The following DOP1B variants were observed in gnomAD, a reference collection of about 807,000 sequenced individuals.
DOP1B encodes the protein protein DOP1B.
Under a neutral mutation model 233.5 loss-of-function variants are expected in DOP1B, and 174 were observed. The ratio of observed to expected loss-of-function variants is 0.75; its 90% CI spans 0.66 to 0.85. DOP1B has a LOEUF of 0.85. Ranked by LOEUF, DOP1B falls within the 40% of genes least tolerant of loss-of-function variation. The pLI is 0.00. For missense variants in DOP1B, 2,652 were observed against 2,846.6 expected (o/e 0.93, Z 1.56); for synonymous variants, 1,190 against 1,185.6 (o/e 1.00, Z -0.08).
Position 36,273,250 on chromosome 21 carries a change from T to C in DOP1B, c.5632+3093T>C, listed in dbSNP as rs368579976. Among the ~76,000 whole-genome samples, 14 of 150,684 alleles carry C rather than the reference T, an allele frequency of 9.3e-5. 1 individual carries two copies. The East Asian group carries it at 1.4e-3, about 15-fold the overall frequency. On this transcript the variant is annotated intron_variant, in intron 27 of 36. Transcript: ENST00000691173. The stretch of plus-strand genomic sequence containing the variant: ...GATGAAACCCTGTCTCTACTAAAAA[T>C]ACAAAAATTAGCCAGGTATGGTAGT...
chr21:36,211,848 A>G lies in DOP1B; in HGVS notation c.781-126A>G, dbSNP rs535666406. The stretch of plus-strand genomic sequence containing the variant: ...TATTGAATAGCTTCTTTCCATGGGT[A>G]ATGTGTAAGGAACCAGCCCATTTTG... On this transcript the variant is annotated intron_variant, in intron 6 of 36. Coordinates refer to ENST00000691173, the MANE Select transcript of DOP1B (RefSeq NM_001320714.2). The G allele has an allele frequency of 7.1e-6, 10 of 1,418,080 alleles. No homozygotes were observed. The East Asian group carries it at 2.3e-4, about 32-fold the overall frequency. The allele number at this position is 1,418,080 out of a possible 1,614,324, so 87.8% of individuals were successfully genotyped here. A position where few individuals can be genotyped will look rare whatever the true frequency, so the allele number is the denominator to read the frequency against.
In DOP1B at chr21:36,211,594, T is replaced by C. The variant is rs2066499300; in HGVS notation, c.723T>C (p.Leu241=). ...CCTCCCTGTTGGACTCAAATGTTCT[T>C]GTGCAAAGAAATAATCTGGAAATCG... ...LRASLLDSNV[L]VQRNNLEIVL... Residue 241 remains leucine, a synonymous_variant, in exon 6 of 37, where the codon CTT becomes CTC. Transcript: ENST00000691173. The C allele has an allele frequency of 1.1e-5, 17 of 1,614,246 alleles. No individual in the cohort carries two copies. Among genetic ancestry groups the C allele is most frequent in the Non-Finnish European group, 1.4e-5 (17 of 1,180,042 alleles).
intron 4 of DOP1B, among the ~76,000 whole-genome samples, chr21:36,207,963 A>G (rs1473569700): frequency 6.6e-6 from 1 of 152,196 alleles, no homozygotes; most frequent in Non-Finnish European, 1.5e-5. Context: ...GTCAGGGGAA[A>G]AACGAGCCCT....
chr21:36,196,082 G>A (rs1305724665), intron 2 of DOP1B, among the ~76,000 whole-genome samples: 1 of 152,252 alleles, frequency 6.6e-6, no homozygotes, highest in African/African-American at 2.4e-5. Context: ...CACAGACTGA[G>A]GGAACCTCTT....
intron 2 of DOP1B, among the ~76,000 whole-genome samples, chr21:36,177,256 A>T (rs1408699484): frequency 6.6e-6 from 1 of 152,194 alleles, no homozygotes; most frequent in Admixed American, 6.6e-5. Flanking sequence ...GTTCAAGAGC[A>T]CTGCTACCCC....
intron 28 of DOP1B, among the ~76,000 whole-genome samples, chr21:36,277,763 T>G (rs1261241987): frequency 6.6e-6 from 1 of 151,724 alleles, no homozygotes; most frequent in Non-Finnish European, 1.5e-5. Flanking sequence ...CAAGCAGTTC[T>G]CCTGCCTCAG....
chr21:36,221,014 T>C (rs532265562), intron 10 of DOP1B, among the ~76,000 whole-genome samples: 1 of 152,218 alleles, frequency 6.6e-6, no homozygotes, highest in East Asian at 1.9e-4. Context: ...TCTTGCTATG[T>C]TGCACAGGCT....
Position 36,184,681 on chromosome 21 carries a change from C to T in DOP1B, c.139-14389C>T, listed in dbSNP as rs1345099318. Among the ~76,000 whole-genome samples the T allele has an allele frequency of 5.3e-5, 8 of 152,242 alleles. No homozygotes were observed. The East Asian group carries it at 1.2e-3, about 22-fold the overall frequency. On this transcript the variant is annotated intron_variant, in intron 2 of 36. Transcript: ENST00000691173. ...GCTTCGCTGCCGGCCTGAGGCTCTG[C>T]GTTCCCCTCCTTGGTGCTCAGGCTG...
chr21:36,175,461 C>T (rs2066012477), intron 2 of DOP1B, among the ~76,000 whole-genome samples: 1 of 152,086 alleles, frequency 6.6e-6, no homozygotes, highest in African/African-American at 2.4e-5. Context: ...TAGGGCTCAC[C>T]CTAACTGCTT....
At chr21:36,244,721 G>A (rs752622176) in intron 18 of DOP1B, among the ~76,000 whole-genome samples, 2 of 152,094 alleles carry the variant, frequency 1.3e-5, no homozygotes, top group African/African-American at 2.4e-5. Context: ...CACTGCACCC[G>A]GCCAGGAGAC....
chr21:36,226,981 G>A (rs1263341873), intron 12 of DOP1B, among the ~76,000 whole-genome samples: 6 of 152,044 alleles, frequency 3.9e-5, no homozygotes, highest in Admixed American at 1.3e-4. Flanking sequence ...CGAGGTGGGC[G>A]GATCACAAGG....
chr21:36,229,369 A>G (rs573676830), intron 13 of DOP1B, among the ~76,000 whole-genome samples: 16 of 152,258 alleles, frequency 1.1e-4, no homozygotes, highest in African/African-American at 3.8e-4. Context: ...GTTTGCTGGC[A>G]ATATTCAGCA....
intron 10 of DOP1B, 133 bp from the exon 11 acceptor site, chr21:36,223,098 C>A: frequency 2.4e-6 from 2 of 837,832 alleles, no homozygotes; most frequent in Non-Finnish European, 1.8e-6. Flanking sequence ...GTAATATTTT[C>A]ATTTTTATCA....
At chr21:36,282,678 A>C (rs1215415022) in intron 32 of DOP1B, among the ~76,000 whole-genome samples, 1 of 151,748 alleles carries the variant, frequency 6.6e-6, no homozygotes, top group Non-Finnish European at 1.5e-5. Flanking sequence ...TGACTGCATC[A>C]AAAATAATTA....
intron 5 of DOP1B, among the ~76,000 whole-genome samples, chr21:36,209,794 T>G (rs1365713306): frequency 6.6e-6 from 1 of 152,214 alleles, no homozygotes; most frequent in African/African-American, 2.4e-5. Flanking sequence ...TCTTGTGCTT[T>G]TGTGTCTTGC....
At position 36,246,106 on chromosome 21, in the gene DOP1B, A is replaced by T. The variant is rs1056850071; in HGVS notation, c.4126A>T (p.Ser1376Cys). ...AGGGAAGAACGTGGAGTTCATCCAC[A>T]GCTTGCTGCAGAGGTGCAAAGTTCA... ...SEGKNVEFIHSLLQRCKVQEF... is the reference protein window; with the variant it reads ...SEGKNVEFIHCLLQRCKVQEF... The change falls in exon 19 of 37, where the codon AGC becomes TGC. Residue 1376 changes from serine (S) to cysteine (C), a missense_variant. This residue lies in a region of DOP1B where 2,617 missense variants were observed against 2,794.3 expected (regional missense o/e 0.94). Transcript: ENST00000691173. This position sits in a 1 kb window ranked among gnomAD's most constrained non-coding sequence, Gnocchi z 5.1. 3 of 1,614,124 alleles carry T rather than the reference A, an allele frequency of 1.9e-6. No individual in the cohort carries two copies. The highest frequency in any genetic ancestry group is 8.5e-7 in the Non-Finnish European group (1 of 1,180,036).
At chr21:36,290,632 A>C (rs551545383) in intron 35 of DOP1B, among the ~76,000 whole-genome samples, 2 of 152,232 alleles carry the variant, frequency 1.3e-5, no homozygotes, top group Admixed American at 6.5e-5. Context: ...CTCTACTAAA[A>C]ATACAAAATT....
At chr21:36,158,949 G>A (rs1394390427) in intron 1 of DOP1B, among the ~76,000 whole-genome samples, 1 of 151,616 alleles carries the variant, frequency 6.6e-6, no homozygotes, top group Admixed American at 6.6e-5. Context: ...CCAACATGGT[G>A]AAACTCTGTC....
intron 2 of DOP1B, among the ~76,000 whole-genome samples, chr21:36,191,914 A>G (rs73202226): frequency 0.18 from 27,511 of 152,040 alleles, 2,591 homozygotes; most frequent in South Asian, 0.21. Context: ...GACCATTCTA[A>G]CCATTTTTAA....
Sources: gnomAD v4.1 joint callset for allele counts (sites outside exome capture counted in the v4.1 genomes callset) on GRCh38, gnomAD v4.1.1 for gene constraint, gnomAD v4.1.1 regional missense constraint, Gnocchi (gnomAD v3.1) non-coding constraint, MANE v1.5 for transcripts, NCBI Gene and HGNC (gene_info 2026-07-23, HGNC 2026-07-21) for gene names.